The following TEKTIP1 variants were observed in gnomAD, a reference collection of about 807,000 sequenced individuals.
TEKTIP1 encodes tektin bundle-interacting protein 1.
the TEKTIP1 span, among the ~76,000 whole-genome samples, chr19:3,540,471 T>C: frequency 3.3e-5 from 5 of 151,226 alleles, no homozygotes; most frequent in South Asian, 8.5e-4. Context: ...TTGGCCAGGA[T>C]GGTCTCGATC....
the TEKTIP1 span, chr19:3,543,719 G>A: frequency 4.7e-6 from 7 of 1,499,484 alleles, no homozygotes; most frequent in Non-Finnish European, 6.3e-6. Flanking sequence ...GGAGGCCAGG[G>A]GGACAAGGCC....
At chr19:3,540,388 G>C in the TEKTIP1 span, among the ~76,000 whole-genome samples, 2 of 151,654 alleles carry the variant, frequency 1.3e-5, no homozygotes, top group Non-Finnish European at 2.9e-5. Flanking sequence ...CTCCCAAGTA[G>C]CTGGGATTAC....
chr19:3,539,282 A>G, the TEKTIP1 span: 14 of 1,373,056 alleles, frequency 1.0e-5, no homozygotes, highest in Non-Finnish European at 1.4e-5. Context: ...CCTACAGGTG[A>G]GCCCCTCCCA....
chr19:3,541,264 A>G, the TEKTIP1 span, among the ~76,000 whole-genome samples: 4 of 150,910 alleles, frequency 2.7e-5, no homozygotes, highest in Non-Finnish European at 5.9e-5. Flanking sequence ...TGAGCCTAGG[A>G]GGTCAAGGCT....
At chr19:3,543,946 T>C in the TEKTIP1 span, 4 of 1,550,648 alleles carry the variant, frequency 2.6e-6, no homozygotes, top group Non-Finnish European at 3.5e-6. Context: ...GAGTGGGTCC[T>C]GGAACCATAC....
chr19:3,543,750 G>A, the TEKTIP1 span: 6 of 1,491,486 alleles, frequency 4.0e-6, no homozygotes, highest in Non-Finnish European at 5.4e-6. Context: ...GGGTGAAACT[G>A]CCCGGGGCGA....
chr19:3,539,584 TGAGA>T, the TEKTIP1 span: 9 of 332,576 alleles, frequency 2.7e-5, no homozygotes, highest in East Asian at 1.5e-4. Context: ...CTTCTGTGGC[TGAGA>T]GAGTCTGTCC....
chr19:3,542,747 T>G, the TEKTIP1 span: 1 of 1,341,564 alleles, frequency 7.5e-7, no homozygotes, highest in Non-Finnish European at 9.9e-7. Context: ...CCTCCCAAAG[T>G]GCTGGGTTTA....
chr19:3,543,202 T>C, the TEKTIP1 span: 4 of 1,533,440 alleles, frequency 2.6e-6, no homozygotes, highest in Middle Eastern at 1.8e-4. Flanking sequence ...GCTGTAGACA[T>C]GGGCTCAGTC....
At chr19:3,542,515 C>T in the TEKTIP1 span, 1 of 960,664 alleles carries the variant, frequency 1.0e-6, no homozygotes, top group African/African-American at 1.8e-5. Flanking sequence ...ACTCTGTTGC[C>T]CAGGCTGGAG....
At chr19:3,543,849 G>T in the TEKTIP1 span, 3 of 1,543,652 alleles carry the variant, frequency 1.9e-6, no homozygotes, top group Non-Finnish European at 2.6e-6. Context: ...GAACCGGTAC[G>T]GGGTGGAGCC....
chr19:3,543,467 C>G, the TEKTIP1 span: 3 of 1,532,934 alleles, frequency 2.0e-6, no homozygotes, highest in Non-Finnish European at 2.6e-6. Context: ...GTGCAGCATG[C>G]CATCGGGTGA....
At chr19:3,540,263 T>TTGTGTG in the TEKTIP1 span, among the ~76,000 whole-genome samples, 1 of 145,406 alleles carries the variant, frequency 6.9e-6, no homozygotes, top group African/African-American at 2.8e-5. Context: ...CAGCTAATTT[T>TTGTGTG]TGTTTTTTTT....
the TEKTIP1 span, chr19:3,543,494 C>T: frequency 3.9e-6 from 6 of 1,523,278 alleles, no homozygotes; most frequent in East Asian, 9.8e-5. Context: ...CCCCCCCCGC[C>T]CTGGGCAGCG....
chr19:3,539,845 C>CA, the TEKTIP1 span: 1 of 152,858 alleles, frequency 6.5e-6, no homozygotes, highest in Non-Finnish European at 1.5e-5. Flanking sequence ...GGGGGTATAC[C>CA]AGTCACCCCG....
At chr19:3,543,609 A>C in the TEKTIP1 span, 1 of 1,543,802 alleles carries the variant, frequency 6.5e-7, no homozygotes, top group Non-Finnish European at 8.7e-7. Flanking sequence ...GTCCCTGCCC[A>C]GTACCAGGCC....
chr19:3,543,289 C>T, the TEKTIP1 span: 1 of 1,548,524 alleles, frequency 6.5e-7, no homozygotes, highest in South Asian at 1.2e-5. Context: ...TCAGGCAGGC[C>T]ACACGCTGGA....
chr19:3,543,480 GCC>G, the TEKTIP1 span: 140 of 1,336,466 alleles, frequency 1.0e-4, no homozygotes, highest in African/African-American at 5.0e-4. Context: ...TCGGGTGAGT[GCC>G]CCCCCCCCCG....
chr19:3,542,106 A>G, the TEKTIP1 span: 1 of 985,122 alleles, frequency 1.0e-6, no homozygotes, highest in African/African-American at 1.7e-5. Context: ...CACTGCGCCC[A>G]GACAATTTTG....
Sources: gnomAD v4.1 joint callset for allele counts (sites outside exome capture counted in the v4.1 genomes callset) on GRCh38, gnomAD v4.1.1 for gene constraint, MANE v1.5 for transcripts, NCBI Gene and HGNC (gene_info 2026-07-23, HGNC 2026-07-21) for gene names.